TBC1D19: variants seen among roughly 807,000 people sequenced by gnomAD.
TBC1D19 encodes the protein TBC1 domain family member 19.
TBC1D19 carries 60 observed loss-of-function variants against 89.0 expected under a neutral mutation model. That is an observed-to-expected ratio of 0.67 (90% CI 0.55 to 0.84). The LOEUF (loss-of-function observed/expected upper bound fraction) is 0.84. TBC1D19 is among the 40% of genes least tolerant of loss of function. The pLI is 0.00. For synonymous variants in TBC1D19, 189 were observed against 199.7 expected (o/e 0.95, Z 0.45); for missense variants, 500 against 610.8 (o/e 0.82, Z 1.91).
chr4:26,647,842 C>T (rs1361371494), intron 7 of TBC1D19, among the ~76,000 whole-genome samples: 1 of 152,084 alleles, frequency 6.6e-6, no homozygotes, highest in South Asian at 2.1e-4. Context: ...ATATCACCTT[C>T]TTAGTAAAGG....
At chr4:26,746,480 CCCATCTAGTGAGATGTTTTTGTGTGGTTT>C (rs1325176455) in intron 18 of TBC1D19, among the ~76,000 whole-genome samples, 1 of 151,022 alleles carries the variant, frequency 6.6e-6, no homozygotes, top group Non-Finnish European at 1.5e-5. Context: ...ACTATTGGAT[CCCATCTAGTGAGATGTTTTTGTGTGGTTT>C]TTCGGTTATT....
At chr4:26,793,930 A>G in the TBC1D19 span, among the ~76,000 whole-genome samples, 20 of 152,130 alleles carry the variant, frequency 1.3e-4, no homozygotes, top group Non-Finnish European at 2.5e-4. Context: ...CTGGGAAGAG[A>G]TTTGATTGGT....
In TBC1D19 at chr4:26,691,498, C is replaced by T. The variant is rs994449719; in HGVS notation, c.954+3091C>T. Among the ~76,000 whole-genome samples, 5 of 152,196 alleles carry T rather than the reference C, an allele frequency of 3.3e-5. No homozygotes were observed. In the East Asian group the frequency reaches 7.7e-4, roughly 23 times the overall value. On this transcript the variant is annotated intron_variant, in intron 13 of 20. Coordinates refer to ENST00000264866, the MANE Select transcript of TBC1D19 (RefSeq NM_018317.4). ...CTGCCCCAATGTTCAGCAGCCACCA[C>T]CCTGGATCAGTTAGCAGCCATACAC...
intron 13 of TBC1D19, among the ~76,000 whole-genome samples, chr4:26,696,012 T>G (rs897228648): frequency 2.0e-5 from 3 of 152,152 alleles, no homozygotes; most frequent in Non-Finnish European, 4.4e-5. Context: ...ATAACAATAT[T>G]AACCTTAAAT....
At chr4:26,827,144 C>A in the TBC1D19 span, among the ~76,000 whole-genome samples, 3 of 152,214 alleles carry the variant, frequency 2.0e-5, no homozygotes, top group African/African-American at 7.2e-5. Flanking sequence ...TCTTCCATAG[C>A]CTTTCCTGGC....
At chr4:26,689,439 T>C (rs892437336) in intron 13 of TBC1D19, among the ~76,000 whole-genome samples, 2 of 152,176 alleles carry the variant, frequency 1.3e-5, no homozygotes, top group Non-Finnish European at 1.5e-5. Context: ...TTTTTGAATA[T>C]ACAGGTGTAT....
intron 13 of TBC1D19, among the ~76,000 whole-genome samples, chr4:26,712,510 C>T (rs1031283857): frequency 1.3e-5 from 2 of 152,036 alleles, no homozygotes; most frequent in Non-Finnish European, 2.9e-5. Flanking sequence ...ACATTGGGCC[C>T]AGCCAGACAA....
chr4:26,757,579 G>A (rs1035008888), downstream of TBC1D19, among the ~76,000 whole-genome samples: 2 of 152,196 alleles, frequency 1.3e-5, no homozygotes, highest in African/African-American at 4.8e-5. Context: ...TTGAATAATG[G>A]TTTTGTTGAG....
At chr4:26,790,608 G>C in the TBC1D19 span, among the ~76,000 whole-genome samples, 1 of 152,134 alleles carries the variant, frequency 6.6e-6, no homozygotes. Context: ...GGTTGCAAAG[G>C]CAGTTGGCCA....
At chr4:26,603,584 A>G (rs1740772157) in intron 1 of TBC1D19, among the ~76,000 whole-genome samples, 1 of 152,200 alleles carries the variant, frequency 6.6e-6, no homozygotes, top group Non-Finnish European at 1.5e-5. Flanking sequence ...TTCATGGACA[A>G]CAACCAAAAC....
intron 14 of TBC1D19, among the ~76,000 whole-genome samples, chr4:26,718,840 C>T (rs530922769): frequency 2.9e-4 from 44 of 152,160 alleles, no homozygotes; most frequent in Non-Finnish European, 5.0e-4. Context: ...CTACTGAGCT[C>T]ACCTCTAAAC....
intron 13 of TBC1D19, among the ~76,000 whole-genome samples, chr4:26,697,099 A>T (rs548953985): frequency 1.8e-3 from 272 of 152,332 alleles, no homozygotes; most frequent in African/African-American, 6.2e-3. Flanking sequence ...AACAAAATTC[A>T]TAGAGTACTA....
chr4:26,819,909 C>T, the TBC1D19 span, among the ~76,000 whole-genome samples: 2 of 152,192 alleles, frequency 1.3e-5, no homozygotes, highest in Admixed American at 6.5e-5. Flanking sequence ...CTGGAATGCT[C>T]GTCCCTCAGA....
the TBC1D19 span, among the ~76,000 whole-genome samples, chr4:26,769,090 A>G: frequency 1.3e-5 from 2 of 152,136 alleles, no homozygotes; most frequent in Non-Finnish European, 2.9e-5. Flanking sequence ...GAGAGGAACA[A>G]GATTAAGGAT....
chr4:26,822,608 T>C, the TBC1D19 span, among the ~76,000 whole-genome samples: 46 of 152,136 alleles, frequency 3.0e-4, no homozygotes, highest in Non-Finnish European at 6.3e-4. Context: ...CTTTACGTAA[T>C]GCTATGATTG....
At position 26,748,455 on chromosome 4, in the gene TBC1D19, A is replaced by G; in HGVS notation, c.1364A>G (p.Tyr455Cys). The G allele has an allele frequency of 6.2e-7, 1 of 1,613,922 alleles. No individual in the cohort carries two copies. The highest frequency in any genetic ancestry group is 8.5e-7 in the Non-Finnish European group (1 of 1,179,860). The part of the protein sequence containing the change: ...FKWMVRAFSG[Y>C]LATDQLLLLW... ...TGGATGGTTCGAGCTTTCTCTGGAT[A>G]CTTAGCTACAGATCAGCTCTTGCTT... Residue 455 changes from tyrosine (Y) to cysteine (C), a missense_variant, in exon 19 of 21, where the codon TAC becomes TGC. By Grantham distance (194) the Tyr-to-Cys change is radical. Around this residue, in one of 2 missense-constraint regions of TBC1D19, gnomAD observed 220 missense variants for 319.1 expected, o/e 0.69. Transcript: ENST00000264866.
chr4:26,609,559 A>G (rs566831141), intron 1 of TBC1D19, among the ~76,000 whole-genome samples: 1 of 152,208 alleles, frequency 6.6e-6, no homozygotes, highest in South Asian at 2.1e-4. Flanking sequence ...AAATCAGTGA[A>G]TATAGTTCAC....
intron 13 of TBC1D19, among the ~76,000 whole-genome samples, chr4:26,710,802 T>G (rs754017248): frequency 1.3e-5 from 2 of 152,218 alleles, no homozygotes; most frequent in Non-Finnish European, 2.9e-5. Flanking sequence ...TTTTTTCATG[T>G]GTGTTTTGGC....
At chr4:26,797,664 C>T in the TBC1D19 span, among the ~76,000 whole-genome samples, 2 of 152,208 alleles carry the variant, frequency 1.3e-5, no homozygotes, top group African/African-American at 4.8e-5. Flanking sequence ...ACTATAGTAA[C>T]TGAAACAGCA....
Sources: gnomAD v4.1 joint callset for allele counts (sites outside exome capture counted in the v4.1 genomes callset) on GRCh38, gnomAD v4.1.1 for gene constraint, gnomAD v4.1.1 regional missense constraint, MANE v1.5 for transcripts, NCBI Gene and HGNC (gene_info 2026-07-23, HGNC 2026-07-21) for gene names.